The following FAM174A variants were observed in gnomAD, a reference collection of about 807,000 sequenced individuals.
FAM174A encodes the protein family with sequence similarity 174 member A.
Under a neutral mutation model 14.3 loss-of-function variants are expected in FAM174A, and 14 were observed. The ratio of observed to expected loss-of-function variants is 0.98; its 90% CI spans 0.65 to 1.53. FAM174A has a LOEUF of 1.53. FAM174A is among the 40% of genes most tolerant of loss of function. FAM174A has a pLI of 0.00. For synonymous variants in FAM174A, 108 were observed against 111.4 expected, an observed-to-expected ratio of 0.97 and a Z score of 0.19; for missense variants, 241 against 249.6, an observed-to-expected ratio of 0.97 and a Z score of 0.23.
intron 1 of FAM174A, among the ~76,000 whole-genome samples, chr5:100,554,310 C>CTTTTTTTTTTTTTTTTTTTTTTTTT (rs34241194): frequency 1.1e-5 from 1 of 93,942 alleles, no homozygotes; most frequent in Non-Finnish European, 2.0e-5. Flanking sequence ...ATTTTTCTAT[C>CTTTTTTTTTTTTTTTTTTTTTTTTT]TTTTTTTTTT....
intron 2 of FAM174A, among the ~76,000 whole-genome samples, chr5:100,573,222 A>G (rs1424983311): frequency 6.6e-6 from 1 of 151,738 alleles, no homozygotes; most frequent in East Asian, 1.9e-4. Flanking sequence ...CTCTGATGGT[A>G]GTTTCTTTTG....
At chr5:100,554,991 A>G (rs536600561) in intron 1 of FAM174A, among the ~76,000 whole-genome samples, 23 of 151,998 alleles carry the variant, frequency 1.5e-4, no homozygotes, top group African/African-American at 4.8e-4. Context: ...GGTTTGTTAC[A>G]TATGTATACA....
At chr5:100,537,178 G>T (rs1259212100) in intron 1 of FAM174A, among the ~76,000 whole-genome samples, 5 of 152,176 alleles carry the variant, frequency 3.3e-5, no homozygotes, top group Non-Finnish European at 5.9e-5. Context: ...TCTGTGCGAA[G>T]ATGGAATTAC....
intron 2 of FAM174A, among the ~76,000 whole-genome samples, chr5:100,563,642 C>G (rs1003789494): frequency 6.6e-6 from 1 of 151,762 alleles, no homozygotes; most frequent in Non-Finnish European, 1.5e-5. Flanking sequence ...GACCAGTGGA[C>G]CTGACAGACA....
At chr5:100,562,984 G>A (rs55635449) in intron 2 of FAM174A, among the ~76,000 whole-genome samples, 34,576 of 151,476 alleles carry the variant, frequency 0.23, 4,230 homozygotes, top group Admixed American at 0.34. Flanking sequence ...AGGTACAAAT[G>A]CAAAGAAAAC....
At chr5:100,566,170 A>ATATATATATG (rs1287897978) in intron 2 of FAM174A, among the ~76,000 whole-genome samples, 1 of 143,192 alleles carries the variant, frequency 7.0e-6, no homozygotes, top group Non-Finnish European at 1.5e-5. Flanking sequence ...ATATATATAT[A>ATATATATATG]TGTACATATA....
chr5:100,575,246 TTA>T (rs553954144), intron 2 of FAM174A, among the ~76,000 whole-genome samples: 9 of 150,878 alleles, frequency 6.0e-5, no homozygotes, highest in East Asian at 1.9e-4. Context: ...AGTATAACTT[TTA>T]TATATATATA....
intron 1 of FAM174A, among the ~76,000 whole-genome samples, chr5:100,538,897 T>G (rs571317979): frequency 6.6e-6 from 1 of 152,192 alleles, no homozygotes; most frequent in East Asian, 1.9e-4. Context: ...TCACTGTAGA[T>G]GGTTGTTGGT....
intron 1 of FAM174A, among the ~76,000 whole-genome samples, chr5:100,540,129 C>T (rs1241188244): frequency 6.6e-6 from 1 of 152,172 alleles, no homozygotes; most frequent in Non-Finnish European, 1.5e-5. Context: ...ACTTTAATCA[C>T]CATTTCTCTT....
At chr5:100,542,082 A>G (rs1346334611) in intron 1 of FAM174A, among the ~76,000 whole-genome samples, 2 of 152,156 alleles carry the variant, frequency 1.3e-5, no homozygotes, top group African/African-American at 4.8e-5. Context: ...GATGCATTGA[A>G]TTTTTGTGGA....
At chr5:100,563,986 G>A (rs78596035) in intron 2 of FAM174A, among the ~76,000 whole-genome samples, 1 of 151,906 alleles carries the variant, frequency 6.6e-6, no homozygotes, top group East Asian at 1.9e-4. Context: ...CTCATGGCTT[G>A]GTGCTGTCCT....
intron 1 of FAM174A, among the ~76,000 whole-genome samples, chr5:100,536,985 A>G (rs771988868): frequency 4.6e-5 from 7 of 152,222 alleles, no homozygotes; most frequent in Non-Finnish European, 1.0e-4. Flanking sequence ...ACTATTTTCA[A>G]AATAATACAT....
At chr5:100,546,861 T>A (rs1746174461) in intron 1 of FAM174A, among the ~76,000 whole-genome samples, 1 of 152,154 alleles carries the variant, frequency 6.6e-6, no homozygotes, top group Non-Finnish European at 1.5e-5. Context: ...CTGTGTATAT[T>A]TTTTTCTATC....
At chr5:100,571,099 T>C (rs1038026632) in intron 2 of FAM174A, among the ~76,000 whole-genome samples, 3 of 151,832 alleles carry the variant, frequency 2.0e-5, no homozygotes, top group Admixed American at 6.6e-5. Context: ...TCTTAAAGTA[T>C]TTTTGTCTGT....
chr5:100,540,014 A>T (rs1273745547), intron 1 of FAM174A, among the ~76,000 whole-genome samples: 1 of 152,114 alleles, frequency 6.6e-6, no homozygotes, highest in African/African-American at 2.4e-5. Context: ...TTCCTGATTT[A>T]CTACACATAG....
intron 2 of FAM174A, among the ~76,000 whole-genome samples, chr5:100,575,305 G>T (rs1405766332): frequency 6.6e-6 from 1 of 151,892 alleles, no homozygotes; most frequent in South Asian, 2.1e-4. Context: ...ACAATGTGCA[G>T]GTTTGTTACA....
intron 2 of FAM174A, among the ~76,000 whole-genome samples, chr5:100,574,700 CT>C (rs1359860450): frequency 3.3e-5 from 5 of 151,854 alleles, no homozygotes; most frequent in African/African-American, 1.2e-4. Context: ...AGCAAAGAAC[CT>C]ATATTCTACC....
chr5:100,561,868 A>G (rs1178501353), intron 1 of FAM174A, among the ~76,000 whole-genome samples, 186 bp from the exon 2 acceptor site: 1 of 151,906 alleles, frequency 6.6e-6, no homozygotes, highest in Non-Finnish European at 1.5e-5. Flanking sequence ...ATGGCACATA[A>G]ACATGTAGGA....
chr5:100,542,980 G>A (rs1746092015), intron 1 of FAM174A, among the ~76,000 whole-genome samples: 1 of 151,984 alleles, frequency 6.6e-6, no homozygotes, highest in South Asian at 2.1e-4. Context: ...GTAAGTTCCA[G>A]CTGTTTGGGA....
Sources: allele counts gnomAD v4.1 joint callset (sites outside exome capture counted in the v4.1 genomes callset), GRCh38; gene constraint gnomAD v4.1.1; transcripts MANE v1.5; gene names NCBI Gene and HGNC (gene_info 2026-07-23, HGNC 2026-07-21).